Variants in P2RY14 observed in about 807,000 individuals in gnomAD.
P2RY14 encodes the protein P2Y purinoceptor 14.
A neutral mutation model predicts 0.9 loss-of-function variants in P2RY14; 2 were observed. The observed-to-expected ratio is 2.16, with a 90% CI of 0.88 to 6.79. P2RY14 has a LOEUF of 6.79. Among genes scored for constraint, P2RY14 ranks in the 30% most tolerant of loss-of-function variants. The probability of loss-of-function intolerance (pLI) is 0.05; values close to 1 mark genes in which losing one functional copy is unlikely to be tolerated. For synonymous variants in P2RY14, 158 were observed against 147.2 expected (o/e 1.07, Z -0.53); for missense variants, 378 against 400.1 (o/e 0.94, Z 0.47).
At chr3:151,274,963 G>A (rs1188326315) in intron 1 of P2RY14, among the ~76,000 whole-genome samples, 1 of 152,174 alleles carries the variant, frequency 6.6e-6, no homozygotes, top group African/African-American at 2.4e-5. Flanking sequence ...TCTGTAGCAG[G>A]ATGGAAATGT....
At chr3:151,235,449 T>A (rs1732541693) in intron 1 of P2RY14, among the ~76,000 whole-genome samples, 1 of 152,280 alleles carries the variant, frequency 6.6e-6, no homozygotes, top group Non-Finnish European at 1.5e-5. Context: ...CTCATGCTTG[T>A]AATCTCAACA....
At chr3:151,250,674 A>T (rs1736681495) in intron 1 of P2RY14, among the ~76,000 whole-genome samples, 1 of 152,154 alleles carries the variant, frequency 6.6e-6, no homozygotes, top group Non-Finnish European at 1.5e-5. Flanking sequence ...ATCTGTCCAT[A>T]GTCCTTGGGT....
chr3:151,252,996 TTAAAA>T (rs1294708166), intron 1 of P2RY14, among the ~76,000 whole-genome samples: 1 of 152,212 alleles, frequency 6.6e-6, no homozygotes, highest in Non-Finnish European at 1.5e-5. Context: ...GAACTTGCCC[TTAAAA>T]TAAATATTAC....
At chr3:151,255,500 C>G (rs1347071505) in intron 1 of P2RY14, among the ~76,000 whole-genome samples, 1 of 152,102 alleles carries the variant, frequency 6.6e-6, no homozygotes, top group Non-Finnish European at 1.5e-5. Flanking sequence ...TGCCCACCAA[C>G]TTTGGTTCTG....
At chr3:151,270,718 G>C (rs1406640580) in intron 1 of P2RY14, among the ~76,000 whole-genome samples, 1 of 152,106 alleles carries the variant, frequency 6.6e-6, no homozygotes, top group Non-Finnish European at 1.5e-5. Flanking sequence ...TGACAACATG[G>C]CTTCTCCTTT....
intron 1 of P2RY14, among the ~76,000 whole-genome samples, chr3:151,221,621 G>T (rs1443812337): frequency 6.6e-6 from 1 of 152,204 alleles, no homozygotes; most frequent in Non-Finnish European, 1.5e-5. Flanking sequence ...TCAAGCCTTG[G>T]CAGCTTCCAC....
intron 1 of P2RY14, chr3:151,261,567 G>T (rs988181467): frequency 6.6e-6 from 1 of 152,106 alleles, no homozygotes; most frequent in Non-Finnish European, 1.5e-5. Context: ...CTCAAAGTGT[G>T]GTTCCTGGGC....
intron 1 of P2RY14, among the ~76,000 whole-genome samples, chr3:151,247,067 C>T (rs1199308892): frequency 6.6e-6 from 1 of 152,156 alleles, no homozygotes; most frequent in Admixed American, 6.5e-5. Context: ...AAGAAGATAC[C>T]ATCTCACACC....
chr3:151,218,333 A>G (rs1728633771), intron 2 of P2RY14, among the ~76,000 whole-genome samples: 1 of 152,184 alleles, frequency 6.6e-6, no homozygotes, highest in South Asian at 2.1e-4. Context: ...AAAGATGAAC[A>G]GGACTTCTGG....
chr3:151,254,216 G>T (rs990106936), intron 1 of P2RY14, among the ~76,000 whole-genome samples: 1 of 152,116 alleles, frequency 6.6e-6, no homozygotes, highest in African/African-American at 2.4e-5. Context: ...GATAGTGTCT[G>T]TTGACTTCCT....
At chr3:151,235,547 T>C (rs1732569165) in intron 1 of P2RY14, among the ~76,000 whole-genome samples, 1 of 151,868 alleles carries the variant, frequency 6.6e-6, no homozygotes, top group African/African-American at 2.4e-5. Context: ...CTACTAAAAA[T>C]ACAAAAATTA....
rs998345135 is a variant in P2RY14 at position 151,233,433 on chromosome 3, C to T, written c.-132-13791G>A. Among the ~76,000 whole-genome samples the T allele has an allele frequency of 2.0e-5, 3 of 152,258 alleles. No individual in the cohort carries two copies. In the South Asian group the frequency reaches 6.2e-4, roughly 32 times the overall value. ...ACATGTAGTATAAGTTAAAGCACAA[C>T]AAAAAGAACATAGCACTGGGCCGGG... On this transcript the variant is annotated intron_variant, in intron 1 of 2. Transcript: ENST00000309170.
At chr3:151,257,553 T>A (rs1738058713) in intron 1 of P2RY14, among the ~76,000 whole-genome samples, 1 of 152,266 alleles carries the variant, frequency 6.6e-6, no homozygotes, top group Non-Finnish European at 1.5e-5. Context: ...TTCAGAATAC[T>A]GTTGTGAGGA....
chr3:151,229,587 T>G (rs959536390), intron 1 of P2RY14, among the ~76,000 whole-genome samples: 1 of 151,688 alleles, frequency 6.6e-6, no homozygotes, highest in African/African-American at 2.4e-5. Context: ...CATGCCATTT[T>G]CCTGCCTCAG....
chr3:151,256,561 T>A (rs1198235398), intron 1 of P2RY14, among the ~76,000 whole-genome samples: 1 of 152,302 alleles, frequency 6.6e-6, no homozygotes, highest in Non-Finnish European at 1.5e-5. Context: ...ATTTTTTTCC[T>A]AATGTAGGCA....
chr3:151,278,043 C>T (rs1742183193), intron 1 of P2RY14, among the ~76,000 whole-genome samples: 1 of 152,094 alleles, frequency 6.6e-6, no homozygotes, highest in Non-Finnish European at 1.5e-5. Flanking sequence ...ATTTTGACAG[C>T]CACGATTGGA....
At chr3:151,217,185 A>G (rs1440160371) in intron 2 of P2RY14, among the ~76,000 whole-genome samples, 1 of 152,242 alleles carries the variant, frequency 6.6e-6, no homozygotes, top group Non-Finnish European at 1.5e-5. Context: ...CCTTTTAGAA[A>G]TATTGTAGAA....
At chr3:151,245,955 A>G (rs1474456351) in intron 1 of P2RY14, among the ~76,000 whole-genome samples, 1 of 151,336 alleles carries the variant, frequency 6.6e-6, no homozygotes, top group Non-Finnish European at 1.5e-5. Flanking sequence ...CAAAAATCAC[A>G]AGCATTCTTA....
intron 1 of P2RY14, among the ~76,000 whole-genome samples, chr3:151,257,045 C>A (rs900973414): frequency 6.6e-6 from 1 of 151,936 alleles, no homozygotes; most frequent in Non-Finnish European, 1.5e-5. Context: ...AGAAAAGCAG[C>A]ACGATACAGC....
Sources: gnomAD v4.1 joint callset for allele counts (sites outside exome capture counted in the v4.1 genomes callset) on GRCh38, gnomAD v4.1.1 for gene constraint, MANE v1.5 for transcripts, NCBI Gene and HGNC (gene_info 2026-07-23, HGNC 2026-07-21) for gene names.